Variants in LARGE1 observed in about 807,000 individuals in gnomAD.
LARGE1 encodes LARGE xylosyl- and glucuronyltransferase 1.
LARGE1 carries 43 observed loss-of-function variants against 87.6 expected under a neutral mutation model. The ratio of observed to expected loss-of-function variants is 0.49; its 90% CI spans 0.38 to 0.63. LARGE1 has a LOEUF of 0.63. LARGE1 is among the 30% of genes least tolerant of loss of function. LARGE1 has a pLI of 0.00. For synonymous variants in LARGE1, 434 were observed against 394.6 expected (o/e 1.10, Z -1.18); for missense variants, 802 against 1,000.2 (o/e 0.80, Z 2.67).
rs144641444 is a variant in LARGE1, at chr22:33,536,407, C to T, written c.787+28441G>A. 4.9e-4 allele frequency among the ~76,000 whole-genome samples: 74 copies of T among 152,312 alleles called. No individual in the cohort carries two copies. The East Asian group carries it at 0.013, about 27-fold the overall frequency. ...TGGGATCTCCAAATACAACAGAGCA[C>T]GCATTTAATCAGTTATCAATTAATT... On this transcript the variant is annotated intron_variant, in intron 6 of 14. Coordinates refer to ENST00000397394, the MANE Select transcript of LARGE1 (RefSeq NM_133642.5).
chr22:33,241,871 G>A lies in LARGE1; in HGVS notation c.1730+62358C>T, dbSNP rs532818585. Among the ~76,000 whole-genome samples the A allele has an allele frequency of 3.3e-5, 5 of 152,208 alleles. 1 individual carries two copies. The South Asian group carries it at 1.0e-3, about 32-fold the overall frequency. On this transcript the variant is annotated intron_variant, in intron 11 of 11. Transcript: ENST00000608642. ...TGGGGGACGGGAGAGGATGGGGAAA[G>A]CATAGCTGTCCATCAAAGGGTAGAA...
At chr22:33,332,971 G>C (rs1264897039) in intron 10 of LARGE1, among the ~76,000 whole-genome samples, 3 of 151,524 alleles carry the variant, frequency 2.0e-5, no homozygotes, top group African/African-American at 7.3e-5. Context: ...CTAGAGATCA[G>C]AGCCCCATCC....
intron 13 of LARGE1, among the ~76,000 whole-genome samples, chr22:33,278,876 C>T (rs551908891): frequency 1.3e-5 from 2 of 152,268 alleles, no homozygotes; most frequent in African/African-American, 2.4e-5. Context: ...CGCATCACCA[C>T]GCCTGGCTAA....
At chr22:33,433,899 A>G (rs2067173730) in intron 6 of LARGE1, among the ~76,000 whole-genome samples, 1 of 152,146 alleles carries the variant, frequency 6.6e-6, no homozygotes, top group South Asian at 2.1e-4. Flanking sequence ...GTTTGGGGTA[A>G]TATATTCGAT....
chr22:33,650,360 C>T lies in LARGE1; in HGVS notation c.408+7G>A, dbSNP rs371246157. 1.7e-5 allele frequency: 27 copies of T among 1,613,898 alleles called. No individual in the cohort carries two copies. Among genetic ancestry groups the T allele is most frequent in the Middle Eastern group, 1.7e-4 (1 of 6,048 alleles). On this transcript the variant is annotated splice_region_variant and intron_variant, in intron 3 of 14. Coordinates refer to ENST00000397394, the MANE Select transcript of LARGE1 (RefSeq NM_133642.5). ...AACTTCCTCCCCAGGCTCCAGATGC[C>T]CTTTACCTCGCATTTCTCCACGACC... is the stretch of plus-strand genomic sequence containing the variant.
chr22:33,649,715 T>C (rs879666508), intron 3 of LARGE1, among the ~76,000 whole-genome samples: 1 of 152,106 alleles, frequency 6.6e-6, no homozygotes, highest in Non-Finnish European at 1.5e-5. Flanking sequence ...ATCTCCACCA[T>C]GAGAACTGGA....
At chr22:33,436,598 G>A (rs1441235753) in intron 6 of LARGE1, 1 of 153,930 alleles carries the variant, frequency 6.5e-6, no homozygotes, top group African/African-American at 2.4e-5. Flanking sequence ...CCATGGGTGT[G>A]AAAGGAGTTA....
chr22:33,605,101 T>C (rs73396690), intron 4 of LARGE1, among the ~76,000 whole-genome samples: 14 of 151,896 alleles, frequency 9.2e-5, no homozygotes, highest in African/African-American at 3.4e-4. Context: ...TCCTCACTTT[T>C]AATATTTCTA....
At chr22:33,136,941 A>T in the LARGE1 span, among the ~76,000 whole-genome samples, 1 of 152,146 alleles carries the variant, frequency 6.6e-6, no homozygotes, top group Non-Finnish European at 1.5e-5. Flanking sequence ...AGGTAAAAAA[A>T]AAAATAAACT....
At chr22:33,238,575 A>T (rs1926363165) in intron 11 of LARGE1, among the ~76,000 whole-genome samples, 1 of 152,220 alleles carries the variant, frequency 6.6e-6, no homozygotes, top group Non-Finnish European at 1.5e-5. Context: ...ATGTGAAATT[A>T]TTGAAAAAAT....
intron 1 of LARGE1, among the ~76,000 whole-genome samples, chr22:33,808,413 A>G (rs1408591127): frequency 6.6e-6 from 1 of 152,232 alleles, no homozygotes; most frequent in Non-Finnish European, 1.5e-5. Flanking sequence ...AAGCCTTGCC[A>G]GAGTGCTGAG....
chr22:33,236,660 C>A (rs1374686686), intron 11 of LARGE1, among the ~76,000 whole-genome samples: 2 of 152,176 alleles, frequency 1.3e-5, no homozygotes, highest in Admixed American at 6.5e-5. Context: ...TTTCTGAGCT[C>A]CTGCTGTGGC....
rs555166521 is a variant in LARGE1 at position 33,624,904 on chromosome 22, T to C, written c.491+1340A>G. Among the ~76,000 whole-genome samples, 9 of 152,276 alleles carry C rather than the reference T, an allele frequency of 5.9e-5. No individual in the cohort carries two copies. In the South Asian group the frequency reaches 1.9e-3, roughly 32 times the overall value. On this transcript the variant is annotated intron_variant, in intron 4 of 14. Coordinates refer to ENST00000397394, the MANE Select transcript of LARGE1 (RefSeq NM_133642.5). ...GAGAGAACGGGGAGAAAGTGAAAAC[T>C]ATCTCAGAGGGAGAATCGCAAAGCA...
chr22:33,463,981 G>A (rs575351687), intron 6 of LARGE1, among the ~76,000 whole-genome samples: 35 of 152,150 alleles, frequency 2.3e-4, no homozygotes, highest in Middle Eastern at 3.4e-3. Context: ...TTTTATTTAC[G>A]TTTTTAATAG....
At chr22:33,580,083 C>T (rs1418145665) in intron 5 of LARGE1, among the ~76,000 whole-genome samples, 5 of 152,154 alleles carry the variant, frequency 3.3e-5, no homozygotes, top group African/African-American at 1.2e-4. Context: ...AAAGCAGACA[C>T]AAGGCGGCCG....
intron 1 of LARGE1, among the ~76,000 whole-genome samples, chr22:33,828,836 C>T (rs1302267903): frequency 1.3e-5 from 2 of 152,002 alleles, no homozygotes; most frequent in Non-Finnish European, 2.9e-5. Context: ...TATAGCATTC[C>T]CTAGCTTTAC....
chr22:33,873,658 C>T (rs527429623), intron 1 of LARGE1, among the ~76,000 whole-genome samples: 1 of 152,144 alleles, frequency 6.6e-6, no homozygotes, highest in Non-Finnish European at 1.5e-5. Flanking sequence ...TTTACCCATC[C>T]AAAACACCCC....
intron 7 of LARGE1, among the ~76,000 whole-genome samples, chr22:33,397,912 T>G (rs2065805112): frequency 6.6e-6 from 1 of 152,258 alleles, no homozygotes; most frequent in South Asian, 2.1e-4. Flanking sequence ...AGGGTCATAG[T>G]CTTTTTATAT....
At chr22:33,716,100 C>G (rs2082899571) in intron 2 of LARGE1, among the ~76,000 whole-genome samples, 1 of 152,164 alleles carries the variant, frequency 6.6e-6, no homozygotes, top group Non-Finnish European at 1.5e-5. Context: ...GTCACAGGTA[C>G]CTCTTACTTT....
Sources: gnomAD v4.1 joint callset for allele counts (sites outside exome capture counted in the v4.1 genomes callset) on GRCh38, gnomAD v4.1.1 for gene constraint, MANE v1.5 for transcripts, NCBI Gene and HGNC (gene_info 2026-07-23, HGNC 2026-07-21) for gene names.